Variants in CSMD1 observed in about 807,000 individuals in gnomAD.
CSMD1 encodes CUB and sushi domain-containing protein 1.
Under a neutral mutation model 417.5 loss-of-function variants are expected in CSMD1, and 213 were observed. The observed-to-expected ratio is 0.51, with a 90% CI of 0.46 to 0.57. The LOEUF (loss-of-function observed/expected upper bound fraction) is 0.57, where lower values mean the gene tolerates loss of function less well. Ranked by LOEUF, CSMD1 falls within the 20% of genes least tolerant of loss-of-function variation. The pLI is 0.00. For synonymous variants in CSMD1, 2,862 were observed against 1,736.8 expected, an observed-to-expected ratio of 1.65 and a Z score of -16.11; for missense variants, 6,923 against 4,529.7, an observed-to-expected ratio of 1.53 and a Z score of -15.17.
intron 4 of CSMD1, among the ~76,000 whole-genome samples, chr8:4,012,290 C>T (rs1443804548): frequency 6.6e-6 from 1 of 152,088 alleles, no homozygotes; most frequent in Non-Finnish European, 1.5e-5. Flanking sequence ...GTCATCATGC[C>T]AGTTTCATTT....
intron 5 of CSMD1, among the ~76,000 whole-genome samples, chr8:3,927,684 A>G (rs1459373152): frequency 6.6e-6 from 1 of 152,182 alleles, no homozygotes; most frequent in Non-Finnish European, 1.5e-5. Context: ...AAAATAGAAA[A>G]GAAAAGAAAA....
intron 2 of CSMD1, among the ~76,000 whole-genome samples, chr8:4,572,768 T>C (rs1425494741): frequency 6.6e-6 from 1 of 152,220 alleles, no homozygotes; most frequent in East Asian, 1.9e-4. Context: ...CAATCATAGA[T>C]TTGGTATTTT....
At chr8:3,358,558 A>C (rs1361827352) in intron 21 of CSMD1, among the ~76,000 whole-genome samples, 1 of 152,164 alleles carries the variant, frequency 6.6e-6, no homozygotes, top group Non-Finnish European at 1.5e-5. Context: ...ATGTGAGCCT[A>C]GTACTTCATG....
In CSMD1 at chr8:4,164,870, C is replaced by A. The variant is rs551432181; in HGVS notation, c.416-132771G>T. Reference sequence around the variant, plus strand: ...CAAGCCTGAGCAACAGAGCAAGACTCCATCTCAAAGAAAAAAAAAAATATA... The same window carrying A: ...CAAGCCTGAGCAACAGAGCAAGACTACATCTCAAAGAAAAAAAAAAATATA... On this transcript the variant is annotated intron_variant, in intron 3 of 69. Coordinates refer to ENST00000635120, the MANE Select transcript of CSMD1 (RefSeq NM_033225.6). Among the ~76,000 whole-genome samples, 36 of 108,510 alleles carry A rather than the reference C, an allele frequency of 3.3e-4. 1 individual carries two copies. The Middle Eastern group carries it at 0.015, about 46-fold the overall frequency. The allele number at this position is 108,510 out of a possible 152,430, so 71.2% of individuals were successfully genotyped here. A position where few individuals can be genotyped will look rare whatever the true frequency, so the allele number is the denominator to read the frequency against.
chr8:4,102,319 T>A (rs1288463676), intron 3 of CSMD1, among the ~76,000 whole-genome samples: 1 of 152,214 alleles, frequency 6.6e-6, no homozygotes, highest in Non-Finnish European at 1.5e-5. Flanking sequence ...TTTCTATTAA[T>A]TTTAAACAAA....
At chr8:4,838,940 T>C (rs773724933) in intron 1 of CSMD1, among the ~76,000 whole-genome samples, 3 of 152,258 alleles carry the variant, frequency 2.0e-5, no homozygotes, top group African/African-American at 7.2e-5. Flanking sequence ...AAAGACAAAT[T>C]TGACAAATTC....
chr8:4,937,559 C>T (rs1807704978), intron 1 of CSMD1, among the ~76,000 whole-genome samples: 1 of 152,208 alleles, frequency 6.6e-6, no homozygotes, highest in Admixed American at 6.5e-5. Context: ...ATTCCTCTTT[C>T]TGTCAGCATG....
chr8:3,650,449 T>C (rs1001120860), intron 7 of CSMD1, among the ~76,000 whole-genome samples: 2 of 152,134 alleles, frequency 1.3e-5, no homozygotes, highest in East Asian at 3.9e-4. Context: ...GGAAAACTCA[T>C]CGAAGAACTC....
At chr8:2,954,308 T>C in intron 64 of CSMD1, 40 bp from the exon 65 acceptor site, 2 of 1,239,290 alleles carry the variant, frequency 1.6e-6, no homozygotes, top group South Asian at 1.4e-5. Context: ...AAAAAAAACA[T>C]TTATTTTTGA....
At chr8:3,702,779 C>G (rs1390665817) in intron 7 of CSMD1, among the ~76,000 whole-genome samples, 8 of 152,212 alleles carry the variant, frequency 5.3e-5, no homozygotes, top group African/African-American at 1.9e-4. Flanking sequence ...TTGCAGTTAG[C>G]TGAGATCGCA....
intron 1 of CSMD1, among the ~76,000 whole-genome samples, chr8:4,820,073 G>T (rs1799434890): frequency 6.6e-6 from 1 of 152,130 alleles, no homozygotes; most frequent in African/African-American, 2.4e-5. Context: ...CACCTGCCTT[G>T]TACCTCTGGT....
At position 4,354,865 on chromosome 8, in the gene CSMD1, A is replaced by AGTGTGTGTGTGTGTGTGT. The variant is rs59255397; in HGVS notation, c.415+65070_415+65087dup. On this transcript the variant is annotated intron_variant, in intron 3 of 69. Transcript: ENST00000635120. ...GAGGGCAGGTAAATGAGGAAAATGTAGTGTGTGTGTGTGTGTGTGTGTGTG... is the reference window on the plus strand; with the variant it reads ...GAGGGCAGGTAAATGAGGAAAATGTAGTGTGTGTGTGTGTGTGTGTGTGTGTGTGTGTGTGTGTGTGTG... Among the ~76,000 whole-genome samples the AGTGTGTGTGTGTGTGTGT allele has an allele frequency of 1.9e-3, 252 of 129,490 alleles. 2 individuals carry two copies. Among genetic ancestry groups the AGTGTGTGTGTGTGTGTGT allele is most frequent in the Non-Finnish European group, 2.8e-3 (172 of 60,992 alleles). 85.0% of individuals were successfully genotyped at this position (129,490 alleles called of 152,430 possible).
intron 5 of CSMD1, among the ~76,000 whole-genome samples, chr8:3,835,575 C>T (rs530454976): frequency 8.6e-5 from 13 of 151,710 alleles, no homozygotes; most frequent in African/African-American, 1.4e-4. Flanking sequence ...TTGTGGGGAG[C>T]GGGGAGGGAT....
At chr8:3,269,427 C>T (rs1299061584) in intron 26 of CSMD1, among the ~76,000 whole-genome samples, 1 of 152,226 alleles carries the variant, frequency 6.6e-6, no homozygotes, top group Non-Finnish European at 1.5e-5. Flanking sequence ...AAAACAGTCC[C>T]AGCCTGTTCT....
At chr8:3,731,596 G>A (rs1796265820) in intron 6 of CSMD1, among the ~76,000 whole-genome samples, 1 of 152,090 alleles carries the variant, frequency 6.6e-6, no homozygotes, top group Non-Finnish European at 1.5e-5. Context: ...AAAGTGATAT[G>A]AACTTTACCA....
chr8:4,101,749 G>C (rs982814307), intron 3 of CSMD1, among the ~76,000 whole-genome samples: 2 of 152,228 alleles, frequency 1.3e-5, no homozygotes, highest in African/African-American at 4.8e-5. Context: ...CCAATGATAA[G>C]TGAAAGCTTT....
intron 5 of CSMD1, among the ~76,000 whole-genome samples, chr8:3,845,127 T>C (rs1355896435): frequency 1.3e-5 from 2 of 152,198 alleles, no homozygotes. Flanking sequence ...ATAAGGCAAA[T>C]CTGTAGACAT....
chr8:3,286,409 TC>T (rs1385992086), intron 25 of CSMD1, among the ~76,000 whole-genome samples: 1 of 152,146 alleles, frequency 6.6e-6, no homozygotes, highest in African/African-American at 2.4e-5. Flanking sequence ...CACACTGACT[TC>T]CACAATGGTT....
intron 4 of CSMD1, among the ~76,000 whole-genome samples, chr8:4,002,299 C>A (rs1007447185): frequency 6.6e-6 from 1 of 152,062 alleles, no homozygotes; most frequent in Admixed American, 6.6e-5. Flanking sequence ...GCTGTAAGTA[C>A]TTCTCTAACA....
Sources: gnomAD v4.1 joint callset for allele counts (sites outside exome capture counted in the v4.1 genomes callset) on GRCh38, gnomAD v4.1.1 for gene constraint, MANE v1.5 for transcripts, NCBI Gene and HGNC (gene_info 2026-07-23, HGNC 2026-07-21) for gene names.